Variants in RBFOX1 observed in about 807,000 individuals in gnomAD.
The protein encoded by RBFOX1 is RNA binding fox-1 homolog 1.
A neutral mutation model predicts 57.7 loss-of-function variants in RBFOX1; 8 were observed. That is an observed-to-expected ratio of 0.14 (90% CI 0.08 to 0.25). The LOEUF is 0.25. RBFOX1 is among the 10% of genes least tolerant of loss of function. RBFOX1 has a pLI of 1.00. For missense variants in RBFOX1, 611 were observed against 548.5 expected (o/e 1.11, Z -1.14); for synonymous variants, 326 against 222.4 (o/e 1.47, Z -4.15).
chr16:5,680,063 A>G (rs2050284775), intron 3 of RBFOX1, among the ~76,000 whole-genome samples: 2 of 152,342 alleles, frequency 1.3e-5, no homozygotes, highest in East Asian at 1.9e-4. Context: ...TTGGGGCTCG[A>G]TTGATTTAAT....
intron 2 of RBFOX1, among the ~76,000 whole-genome samples, chr16:6,470,452 G>A (rs544105337): frequency 6.6e-6 from 1 of 152,346 alleles, no homozygotes; most frequent in Admixed American, 6.5e-5. Flanking sequence ...ATTAGCAACT[G>A]CATTCTCCTA....
At chr16:5,753,581 G>T (rs929318527) in intron 3 of RBFOX1, among the ~76,000 whole-genome samples, 1 of 152,122 alleles carries the variant, frequency 6.6e-6, no homozygotes, top group Non-Finnish European at 1.5e-5. Flanking sequence ...ATTGGCTGGC[G>T]AGAGCCGATT....
intron 3 of RBFOX1, among the ~76,000 whole-genome samples, chr16:5,679,971 G>A (rs1220484629): frequency 6.6e-6 from 1 of 152,292 alleles, no homozygotes; most frequent in Non-Finnish European, 1.5e-5. Context: ...AACATATATT[G>A]TTTTAAGAAA....
At chr16:6,941,319 C>CTTCCTTCCTTCG (rs1186351227) in intron 3 of RBFOX1, among the ~76,000 whole-genome samples, 13 of 132,666 alleles carry the variant, frequency 9.8e-5, no homozygotes, top group African/African-American at 3.6e-4. Flanking sequence ...TCCTTCCTTC[C>CTTCCTTCCTTCG]TTCCTTCCTT....
At chr16:6,849,004 TTAGG>T (rs1436717200) in intron 3 of RBFOX1, among the ~76,000 whole-genome samples, 7 of 152,302 alleles carry the variant, frequency 4.6e-5, no homozygotes, top group African/African-American at 1.7e-4. Context: ...CAAAGCACGT[TTAGG>T]TAGTCCCACC....
chr16:5,721,708 CA>C (rs762588267), intron 3 of RBFOX1, among the ~76,000 whole-genome samples: 55 of 152,136 alleles, frequency 3.6e-4, no homozygotes, highest in Non-Finnish European at 6.5e-4. Flanking sequence ...GCTTTCTCTG[CA>C]TCTATTGAAA....
intron 4 of RBFOX1, among the ~76,000 whole-genome samples, chr16:7,383,278 A>C (rs1161083275): frequency 6.6e-6 from 1 of 151,852 alleles, no homozygotes; most frequent in Admixed American, 6.6e-5. Context: ...AAAAAAAAAA[A>C]AAACGTAAAA....
chr16:5,513,609 G>A (rs1172848600), intron 2 of RBFOX1, among the ~76,000 whole-genome samples: 1 of 152,086 alleles, frequency 6.6e-6, no homozygotes, highest in Non-Finnish European at 1.5e-5. Flanking sequence ...AAATTATTTG[G>A]AATTCTTCTC....
chr16:5,490,498 C>G (rs1241513321), intron 2 of RBFOX1, among the ~76,000 whole-genome samples: 1 of 152,182 alleles, frequency 6.6e-6, no homozygotes, highest in Non-Finnish European at 1.5e-5. Flanking sequence ...GCGTTGCTAT[C>G]CGGAGCCCTT....
chr16:6,308,776 C>A (rs1441951533), intron 1 of RBFOX1, among the ~76,000 whole-genome samples: 1 of 152,156 alleles, frequency 6.6e-6, no homozygotes, highest in Non-Finnish European at 1.5e-5. Flanking sequence ...GATGCAAATG[C>A]TGTCTGGAAC....
chr16:7,187,122 T>A (rs111798280), intron 4 of RBFOX1, among the ~76,000 whole-genome samples: 3 of 151,790 alleles, frequency 2.0e-5, no homozygotes, highest in Admixed American at 2.0e-4. Flanking sequence ...TGAGCCATGA[T>A]GGTGCCACTG....
At chr16:6,920,195 T>A (rs2074153167) in intron 3 of RBFOX1, among the ~76,000 whole-genome samples, 1 of 152,160 alleles carries the variant, frequency 6.6e-6, no homozygotes, top group Non-Finnish European at 1.5e-5. Context: ...GGCATTGAGT[T>A]TGGTTCCTTA....
chr16:6,123,488 C>T (rs745872999), intron 1 of RBFOX1, among the ~76,000 whole-genome samples: 20 of 152,042 alleles, frequency 1.3e-4, no homozygotes, highest in Non-Finnish European at 2.2e-4. Flanking sequence ...TAGAGGTTAC[C>T]AGGGGCTGAA....
At chr16:6,672,106 C>T (rs923637004) in intron 3 of RBFOX1, among the ~76,000 whole-genome samples, 1 of 152,204 alleles carries the variant, frequency 6.6e-6, no homozygotes, top group African/African-American at 2.4e-5. Context: ...GTAGGTCCAT[C>T]TCACCTAATT....
intron 2 of RBFOX1, among the ~76,000 whole-genome samples, chr16:5,526,117 T>C (rs1427894171): frequency 6.6e-6 from 1 of 152,124 alleles, no homozygotes; most frequent in Non-Finnish European, 1.5e-5. Context: ...TCAGCCTCCT[T>C]GGCTGCTCAG....
chr16:5,382,255 A>T (rs1192932277), intron 1 of RBFOX1, among the ~76,000 whole-genome samples: 2 of 152,290 alleles, frequency 1.3e-5, no homozygotes, highest in African/African-American at 2.4e-5. Flanking sequence ...CACATCTTTT[A>T]TGTTTTTAAA....
intron 4 of RBFOX1, among the ~76,000 whole-genome samples, chr16:7,108,381 G>T (rs1196812201): frequency 6.6e-6 from 1 of 152,130 alleles, no homozygotes; most frequent in Non-Finnish European, 1.5e-5. Flanking sequence ...TTGAAAACAT[G>T]TACAAGTTGA....
At position 6,019,537 on chromosome 16, in the gene RBFOX1, CG is replaced by C; in HGVS notation, c.-579del. 1 of 1,087,516 alleles carries C rather than the reference CG, an allele frequency of 9.2e-7. No individual in the cohort carries two copies. The highest frequency in any genetic ancestry group is 1.1e-6 in the Non-Finnish European group (1 of 895,856). 67.4% of individuals were successfully genotyped at this position (1,087,516 alleles called of 1,614,324 possible). A position where few individuals can be genotyped will look rare whatever the true frequency, so the allele number is the denominator to read the frequency against. ...TGGGGCGGGGGCGCTCTGCCAGCCC[CG>C]GGAACAGCAGAGGCGGCGGCACTGG... On this transcript the variant is annotated 5_prime_UTR_variant, in exon 1 of 16. Transcript: ENST00000550418. This position sits in a 1 kb window ranked among gnomAD's most constrained non-coding sequence, Gnocchi z 4.2.
chr16:7,669,581 C>T (rs570677815), intron 13 of RBFOX1, among the ~76,000 whole-genome samples: 3 of 152,234 alleles, frequency 2.0e-5, no homozygotes, highest in South Asian at 4.1e-4. Context: ...TCTTGAGATT[C>T]CAGTGCATTT....
Sources: gnomAD v4.1 joint callset for allele counts (sites outside exome capture counted in the v4.1 genomes callset) on GRCh38, gnomAD v4.1.1 for gene constraint, Gnocchi (gnomAD v3.1) non-coding constraint, MANE v1.5 for transcripts, NCBI Gene and HGNC (gene_info 2026-07-23, HGNC 2026-07-21) for gene names.